LTA4H: variants seen among roughly 807,000 people sequenced by gnomAD.
The protein encoded by LTA4H is leukotriene A-4 hydrolase.
LTA4H carries 59 observed loss-of-function variants against 89.8 expected under a neutral mutation model. The observed-to-expected ratio is 0.66, with a 90% confidence interval of 0.53 to 0.82. LTA4H has a LOEUF of 0.82. LTA4H is among the 40% of genes least tolerant of loss of function. The pLI is 0.00. For synonymous variants in LTA4H, 227 were observed against 253.1 expected, an observed-to-expected ratio of 0.90 and a Z score of 0.98; for missense variants, 617 against 727.0, an observed-to-expected ratio of 0.85 and a Z score of 1.74.
chr12:96,014,636 G>A (rs1211496064), intron 12 of LTA4H, among the ~76,000 whole-genome samples: 4 of 152,184 alleles, frequency 2.6e-5, no homozygotes, highest in Admixed American at 1.3e-4. Context: ...AAAAACTGAT[G>A]AGATTTTTTA....
chr12:96,009,161 A>G lies in LTA4H; in HGVS notation c.1380-13T>C. ...AGTCATATCATAACTGCAAAGATAA[A>G]GATTACATTGTTTAAAAATGCACGT... is the stretch of plus-strand genomic sequence containing the variant. On this transcript the variant is annotated splice_polypyrimidine_tract_variant and intron_variant, in intron 14 of 18. Transcript: ENST00000228740. 6.3e-7 allele frequency: 1 copy of G among 1,584,146 alleles called. No individual in the cohort carries two copies. Among genetic ancestry groups the G allele is most frequent in the South Asian group, 1.1e-5 (1 of 90,254 alleles).
chr12:96,012,293 T>G (rs1220683162), intron 14 of LTA4H: 1 of 152,210 alleles, frequency 6.6e-6, no homozygotes, highest in African/African-American at 2.4e-5. Flanking sequence ...GGTAGGCAAT[T>G]TTGGTGATCC....
At chr12:96,009,030 TTC>T (rs1379954784) in intron 15 of LTA4H, 62 bp downstream of exon 15, 6 of 1,215,872 alleles carry the variant, frequency 4.9e-6, no homozygotes, top group Non-Finnish European at 7.3e-6. Flanking sequence ...CCCTCCCTGC[TTC>T]ATGAGTAAAG....
At chr12:96,014,634 A>G (rs1950349634) in intron 12 of LTA4H, among the ~76,000 whole-genome samples, 1 of 152,186 alleles carries the variant, frequency 6.6e-6, no homozygotes. Context: ...TCAAAAACTG[A>G]TGAGATTTTT....
intron 1 of LTA4H, among the ~76,000 whole-genome samples, chr12:96,041,766 T>C (rs11830502): frequency 0.058 from 8,857 of 151,850 alleles, 304 homozygotes; most frequent in Middle Eastern, 0.11. Context: ...CTCAGCCTCC[T>C]GAGTAGCTGG....
rs1440928227 is a variant in LTA4H at position 96,003,080 on chromosome 12, G to T, written c.1614-16C>A. 1.3e-6 allele frequency: 2 copies of T among 1,543,546 alleles called. No individual in the cohort carries two copies. Among genetic ancestry groups the T allele is most frequent in the Non-Finnish European group, 8.9e-7 (1 of 1,128,784 alleles). ...CCGCAGCCATCTAAAAGGAGGATTT[G>T]GGGGGAGCATGGAGTAGAAAATGAG... On this transcript the variant is annotated splice_polypyrimidine_tract_variant and intron_variant, in intron 17 of 18. Coordinates refer to ENST00000228740, the MANE Select transcript of LTA4H (RefSeq NM_000895.3).
intron 15 of LTA4H, among the ~76,000 whole-genome samples, chr12:96,008,162 A>G (rs933522567): frequency 6.6e-6 from 1 of 152,230 alleles, no homozygotes; most frequent in Non-Finnish European, 1.5e-5. Flanking sequence ...TGCACGTGTA[A>G]CAAACCTGCA....
At chr12:96,002,201 C>A (rs559495464) in intron 18 of LTA4H, among the ~76,000 whole-genome samples, 1 of 152,296 alleles carries the variant, frequency 6.6e-6, no homozygotes, top group South Asian at 2.1e-4. Flanking sequence ...ATACTTTACT[C>A]AATTCAAAGC....
At chr12:96,019,873 T>C (rs1950431938) in intron 6 of LTA4H, among the ~76,000 whole-genome samples, 1 of 151,378 alleles carries the variant, frequency 6.6e-6, no homozygotes, top group South Asian at 2.1e-4. Context: ...TTGCTGGGAT[T>C]ACAGGCGTGA....
At chr12:96,039,041 A>G (rs535026152), upstream of LTA4H, among the ~76,000 whole-genome samples, 3 of 152,178 alleles carry the variant, frequency 2.0e-5, no homozygotes, top group East Asian at 3.9e-4. Context: ...TTGATATCCA[A>G]TGGGGAATTG....
chr12:96,035,973 G>A (rs938975471), upstream of LTA4H, among the ~76,000 whole-genome samples: 14 of 152,144 alleles, frequency 9.2e-5, no homozygotes, highest in African/African-American at 3.1e-4. Context: ...GGGCGGGGCG[G>A]AGCAAAAACG....
intron 1 of LTA4H, among the ~76,000 whole-genome samples, chr12:96,035,028 C>T (rs1350758573): frequency 1.3e-5 from 2 of 152,144 alleles, no homozygotes; most frequent in East Asian, 3.8e-4. Flanking sequence ...CACCTAAGGG[C>T]TGGGTGAGTT....
upstream of LTA4H, among the ~76,000 whole-genome samples, chr12:96,037,810 A>G (rs1950661849): frequency 6.7e-6 from 1 of 148,576 alleles, no homozygotes; most frequent in South Asian, 2.1e-4. Flanking sequence ...CTCCTGCCTG[A>G]GCCTCCAAGG....
intron 1 of LTA4H, among the ~76,000 whole-genome samples, chr12:96,033,622 A>G (rs936960664): frequency 3.9e-5 from 6 of 152,142 alleles, no homozygotes; most frequent in African/African-American, 7.2e-5. Flanking sequence ...GGTTTGTTAC[A>G]TAAGTATACA....
chr12:96,009,122 C>CG lies in LTA4H; in HGVS notation c.1405_1406insC (p.Cys469SerfsTer15). ...AATCCATCTTTGACTTAAGGCAATA[C>CG]AAGCATTTGTCAGAGTCATATCATA... On this transcript the variant is annotated frameshift_variant, in exon 15 of 19. Coordinates refer to ENST00000228740, the MANE Select transcript of LTA4H (RefSeq NM_000895.3). LOFTEE classifies it high-confidence loss of function. 6.2e-7 allele frequency: 1 copy of CG among 1,607,090 alleles called. No individual in the cohort carries two copies. Among genetic ancestry groups the CG allele is most frequent in the Non-Finnish European group, 8.5e-7 (1 of 1,174,862 alleles).
chr12:96,013,147 T>C, intron 14 of LTA4H, 41 bp downstream of exon 14: 1 of 1,454,796 alleles, frequency 6.9e-7, no homozygotes, highest in Non-Finnish European at 9.7e-7. Context: ...CTCTAGGAGT[T>C]AGGAGAATGA....
chr12:96,002,044 A>C (rs1592860245), intron 18 of LTA4H, among the ~76,000 whole-genome samples: 1 of 152,288 alleles, frequency 6.6e-6, no homozygotes, highest in South Asian at 2.1e-4. Context: ...TTTTTAGTAC[A>C]GACAGGGTTT....
At position 96,022,144 on chromosome 12, in the gene LTA4H, T is replaced by C. The variant is rs1950459961; in HGVS notation, c.585+3A>G. 6.2e-7 allele frequency: 1 copy of C among 1,608,082 alleles called. No homozygotes were observed. The highest frequency in any genetic ancestry group is 1.1e-5 in the South Asian group (1 of 90,922). On this transcript the variant is annotated splice_donor_region_variant and intron_variant, in intron 5 of 18. Coordinates refer to ENST00000228740, the MANE Select transcript of LTA4H (RefSeq NM_000895.3). The surrounding 1 kb of genome is among the most constrained non-coding windows in gnomAD (Gnocchi z 4.0). Reference sequence around the variant, plus strand: ...AACAAAAATCTAGACCCTAGGATCTTACTTTTTGGATGAATTTGTATATTT... The same window carrying C: ...AACAAAAATCTAGACCCTAGGATCTCACTTTTTGGATGAATTTGTATATTT...
chr12:96,014,916 T>C lies in LTA4H; in HGVS notation c.1143A>G (p.Ser381=). The C allele has an allele frequency of 6.2e-7, 1 of 1,613,866 alleles. No individual in the cohort carries two copies. The change falls in exon 12 of 19, where the codon TCA becomes TCG. Residue 381 remains serine, a synonymous_variant. Coordinates refer to ENST00000228740, the MANE Select transcript of LTA4H (RefSeq NM_000895.3). The part of the protein sequence containing the change: ...TDIDPDVAYS[S]VPYEKGFALL... ...AAGCAAAGCCCTTCTCATAGGGAAC[T>C]GAAGAATAAGCTACATCAGGGTCTA...
Sources: allele counts gnomAD v4.1 joint callset (sites outside exome capture counted in the v4.1 genomes callset), GRCh38; gene constraint gnomAD v4.1.1; non-coding constraint Gnocchi (gnomAD v3.1); transcripts MANE v1.5; gene names NCBI Gene and HGNC (gene_info 2026-07-23, HGNC 2026-07-21).